PGM3: variants seen among roughly 807,000 people sequenced by gnomAD.
PGM3 encodes phosphoacetylglucosamine mutase.
In PGM3, 40 loss-of-function variants were observed where a neutral mutation model predicts 66.2. That is an observed-to-expected ratio of 0.60 (90% CI 0.47 to 0.79). The LOEUF is 0.79. PGM3 is among the 30% of genes least tolerant of loss of function. The pLI is 0.00. For missense variants in PGM3, 537 were observed against 643.4 expected (o/e 0.83, Z 1.79); for synonymous variants, 191 against 224.2 (o/e 0.85, Z 1.32).
chr6:83,154,324 T>A, the PGM3 span: 1 of 1,274,574 alleles, frequency 7.8e-7, no homozygotes, highest in Non-Finnish European at 1.1e-6. Context: ...TTCTGGAGAC[T>A]AGGAGACTAC....
In PGM3 at chr6:83,172,070, G is replaced by A. The variant is rs775515298; in HGVS notation, c.1243-11C>T. The A allele has an allele frequency of 6.2e-7, 1 of 1,611,438 alleles. No individual in the cohort carries two copies. Among genetic ancestry groups the A allele is most frequent in the East Asian group, 2.2e-5 (1 of 44,860 alleles). On this transcript the variant is annotated splice_polypyrimidine_tract_variant and intron_variant, in intron 10 of 12. Transcript: ENST00000513973. ...AGCATCACCAGCTGCCTGCAAATGG[G>A]GAAACAAATGGAAGAAACCACTTAA...
At chr6:83,173,886 G>A (rs491491) in intron 10 of PGM3, among the ~76,000 whole-genome samples, 3,363 of 152,028 alleles carry the variant, frequency 0.022, 131 homozygotes, top group African/African-American at 0.078. Context: ...ACAGGTGCCC[G>A]CCACCATGCC....
the PGM3 span, among the ~76,000 whole-genome samples, chr6:83,149,480 A>G: frequency 6.6e-6 from 1 of 152,164 alleles, no homozygotes; most frequent in African/African-American, 2.4e-5. Context: ...GGGGCAAAGT[A>G]CCTTGTCTGA....
chr6:83,148,933 G>A, the PGM3 span: 1 of 915,726 alleles, frequency 1.1e-6, no homozygotes, highest in South Asian at 2.2e-5. Flanking sequence ...CCAAGTATTA[G>A]TAATAGATAT....
intron 4 of PGM3, 127 bp from the exon 5 acceptor site, chr6:83,183,105 C>A: frequency 3.7e-6 from 3 of 803,452 alleles, no homozygotes; most frequent in South Asian, 2.1e-5. Flanking sequence ...TCTTAGAAAA[C>A]ATAAAAATGA....
intron 6 of PGM3, 107 bp downstream of exon 6, chr6:83,181,629 C>T: frequency 2.7e-6 from 2 of 744,580 alleles, no homozygotes; most frequent in Non-Finnish European, 4.4e-6. Flanking sequence ...GTGGCAGAGC[C>T]AGGAATAGCT....
chr6:83,184,995 G>A (rs1047802888), intron 4 of PGM3, among the ~76,000 whole-genome samples: 2 of 152,180 alleles, frequency 1.3e-5, no homozygotes, highest in African/African-American at 4.8e-5. Context: ...AAGCTGAAGA[G>A]AGAAATGAAG....
In PGM3 at chr6:83,175,944, A is replaced by C; in HGVS notation, c.1128+18T>G. The C allele has an allele frequency of 6.9e-7, 1 of 1,442,120 alleles. No individual in the cohort carries two copies. Among genetic ancestry groups the C allele is most frequent in the Non-Finnish European group, 9.8e-7 (1 of 1,023,226 alleles). 89.3% of individuals were successfully genotyped at this position (1,442,120 alleles called of 1,614,324 possible). A position where few individuals can be genotyped will look rare whatever the true frequency, so the allele number is the denominator to read the frequency against. ...AGAAAAGTGCCAGCTAAGGCCAACT[A>C]TAATTAAGAGAACTTACAGTGCCAT... On this transcript the variant is annotated intron_variant, in intron 9 of 12. Coordinates refer to ENST00000513973, the MANE Select transcript of PGM3 (RefSeq NM_015599.3).
downstream of PGM3, among the ~76,000 whole-genome samples, chr6:83,156,401 T>C (rs981500747): frequency 6.6e-6 from 1 of 152,246 alleles, no homozygotes; most frequent in Non-Finnish European, 1.5e-5. Context: ...CATGTTAGCA[T>C]GTTCTCCTTG....
At position 83,166,751 on chromosome 6, in the gene PGM3, A is replaced by T. The variant is rs550203370; in HGVS notation, c.*2483T>A. On this transcript the variant is annotated 3_prime_UTR_variant, in exon 13 of 13. Transcript: ENST00000513973. Reference sequence around the variant, plus strand: ...AGCTTGAGAGCACATAGAAGAAAATAAGCTGGATTTTGCATCTGCTTGACC... The same window carrying T: ...AGCTTGAGAGCACATAGAAGAAAATTAGCTGGATTTTGCATCTGCTTGACC... 3 of 1,119,566 alleles carry T rather than the reference A, an allele frequency of 2.7e-6. No homozygotes were observed. In the South Asian group the frequency reaches 1.2e-4, roughly 44 times the overall value. 69.4% of individuals were successfully genotyped at this position (1,119,566 alleles called of 1,614,324 possible).
the PGM3 span, chr6:83,155,904 CTT>C: frequency 5.1e-6 from 8 of 1,579,156 alleles, no homozygotes; most frequent in African/African-American, 1.1e-4. Context: ...ACAGAATAAT[CTT>C]TCTTCAGATG....
chr6:83,160,555 A>C (rs935718391), downstream of PGM3, among the ~76,000 whole-genome samples: 1 of 152,210 alleles, frequency 6.6e-6, no homozygotes, highest in Non-Finnish European at 1.5e-5. Flanking sequence ...TATTTTGGCT[A>C]TGTAGTGTGG....
downstream of PGM3, chr6:83,159,675 A>G: frequency 9.0e-7 from 1 of 1,105,226 alleles, no homozygotes; most frequent in Non-Finnish European, 1.3e-6. Flanking sequence ...TTGCTTAGCA[A>G]TTACTGGCAC....
At chr6:83,164,556 T>C, downstream of PGM3, 1 of 1,078,384 alleles carries the variant, frequency 9.3e-7, no homozygotes, top group Admixed American at 2.0e-5. Context: ...ACTATTTTGA[T>C]TGAAAGGCAT....
intron 4 of PGM3, among the ~76,000 whole-genome samples, chr6:83,184,143 A>G (rs553405230): frequency 6.6e-6 from 1 of 152,222 alleles, no homozygotes; most frequent in African/African-American, 2.4e-5. Context: ...TTCAAAAACA[A>G]AAAGAAAGAA....
chr6:83,180,296 A>T (rs576588045), intron 6 of PGM3, among the ~76,000 whole-genome samples: 2 of 152,190 alleles, frequency 1.3e-5, no homozygotes, highest in African/African-American at 4.8e-5. Flanking sequence ...TTTACCTAGG[A>T]CCGTGATCTC....
In PGM3 at chr6:83,176,055, A is replaced by G. The variant is rs1368766243; in HGVS notation, c.1035T>C (p.Pro345=). The part of the protein sequence containing the change: ...TRYLEEVMKV[P]VYCTKTGVKH... ...TTACACCAGTCTTAGTGCAATAGAC[A>G]GGTACCTATAACACATGCATTTAAA... Residue 345 remains proline, a synonymous_variant, in exon 9 of 13, where the codon CCT becomes CCC. Coordinates refer to ENST00000513973, the MANE Select transcript of PGM3 (RefSeq NM_015599.3). The G allele has an allele frequency of 1.3e-6, 2 of 1,551,586 alleles. No homozygotes were observed. The highest frequency in any genetic ancestry group is 1.8e-6 in the Non-Finnish European group (2 of 1,123,292).
At position 83,178,686 on chromosome 6, in the gene PGM3, TC is replaced by T. The variant is rs1455978230; in HGVS notation, c.1015del (p.Glu339LysfsTer4). ...ATGGTTCAATACCTTCATAACTTCT[TC>T]AAGATACCGTGTTGAACTTCCATTT... is the stretch of plus-strand genomic sequence containing the variant. ...YANGSSTRYLEEVMKVPVYCT... is the reference protein window; with the variant it reads ...YANGSSTRYLXEVMKVPVYCT... On this transcript the variant is annotated frameshift_variant, in exon 8 of 13. Coordinates refer to ENST00000513973, the MANE Select transcript of PGM3 (RefSeq NM_015599.3). LOFTEE classifies it high-confidence loss of function. 3.8e-6 allele frequency: 6 copies of T among 1,593,518 alleles called. No individual in the cohort carries two copies. The highest frequency in any genetic ancestry group is 5.2e-6 in the Non-Finnish European group (6 of 1,161,654).
chr6:83,150,731 T>G, the PGM3 span, among the ~76,000 whole-genome samples: 1 of 152,220 alleles, frequency 6.6e-6, no homozygotes, highest in Non-Finnish European at 1.5e-5. Flanking sequence ...ATGGAAATTT[T>G]TTTCTTCATG....
Sources: allele counts gnomAD v4.1 joint callset (sites outside exome capture counted in the v4.1 genomes callset), GRCh38; gene constraint gnomAD v4.1.1; transcripts MANE v1.5; gene names NCBI Gene and HGNC (gene_info 2026-07-23, HGNC 2026-07-21).